CACNA2D1: variants seen among roughly 807,000 people sequenced by gnomAD.
The protein encoded by CACNA2D1 is calcium voltage-gated channel auxiliary subunit alpha2delta 1.
Under a neutral mutation model 171.5 loss-of-function variants are expected in CACNA2D1, and 53 were observed. The ratio of observed to expected loss-of-function variants is 0.31; its 90% CI spans 0.25 to 0.39. CACNA2D1 has a LOEUF of 0.39. CACNA2D1 is among the 10% of genes least tolerant of loss of function. CACNA2D1 has a pLI of 1.00. For synonymous variants in CACNA2D1, 442 were observed against 443.1 expected (o/e 1.00, Z 0.03); for missense variants, 903 against 1,299.8 (o/e 0.69, Z 4.69).
At chr7:82,023,674 TC>T (rs1278127364) in intron 12 of CACNA2D1, among the ~76,000 whole-genome samples, 7 of 151,620 alleles carry the variant, frequency 4.6e-5, no homozygotes, top group Non-Finnish European at 1.0e-4. Context: ...AGAACTACCA[TC>T]CTATGGTGAG....
At chr7:82,386,558 C>A (rs887041746) in intron 1 of CACNA2D1, among the ~76,000 whole-genome samples, 4 of 151,926 alleles carry the variant, frequency 2.6e-5, no homozygotes, top group African/African-American at 9.7e-5. Context: ...CATGGAGAAA[C>A]CCCGTCTCTA....
At position 81,964,246 on chromosome 7, in the gene CACNA2D1, A is replaced by T; in HGVS notation, c.2688T>A (p.Ala896=). Residue 896 remains alanine (A), a synonymous_variant, in exon 33 of 39, where the codon GCT becomes GCA. Coordinates refer to ENST00000356860, the MANE Select transcript of CACNA2D1 (RefSeq NM_000722.4). ...GATGTCCTGCTCCTTGTTTTGGTGC[A>T]GCACCGGGCTCACATACTGACTGAT... ...YDYQSVCEPG[A]APKQGAGHRS... 6.2e-7 allele frequency: 1 copy of T among 1,612,974 alleles called. No individual in the cohort carries two copies. The highest frequency in any genetic ancestry group is 8.5e-7 in the Non-Finnish European group (1 of 1,179,282).
intron 1 of CACNA2D1, among the ~76,000 whole-genome samples, chr7:82,437,785 T>TA (rs1830218281): frequency 6.6e-6 from 1 of 152,120 alleles, no homozygotes; most frequent in Non-Finnish European, 1.5e-5. Context: ...TGTACTGAAT[T>TA]ACTACAAAAG....
At chr7:82,008,677 G>A (rs1266072874) in intron 15 of CACNA2D1, among the ~76,000 whole-genome samples, 1 of 151,916 alleles carries the variant, frequency 6.6e-6, no homozygotes, top group Non-Finnish European at 1.5e-5. Flanking sequence ...ATCTTCTCAC[G>A]AATAGTGATT....
At chr7:82,200,449 A>G (rs11974763) in intron 3 of CACNA2D1, among the ~76,000 whole-genome samples, 1,633 of 152,230 alleles carry the variant, frequency 0.011, 29 homozygotes, top group African/African-American at 0.037. Context: ...CTTAAAAAGG[A>G]TATTTCTATC....
chr7:82,044,640 G>A (rs1804337917), intron 10 of CACNA2D1, among the ~76,000 whole-genome samples: 1 of 152,080 alleles, frequency 6.6e-6, no homozygotes, highest in African/African-American at 2.4e-5. Flanking sequence ...ATATTAGTAA[G>A]TACAAACACA....
At chr7:82,192,323 T>C (rs942241362) in intron 3 of CACNA2D1, among the ~76,000 whole-genome samples, 6 of 151,750 alleles carry the variant, frequency 4.0e-5, no homozygotes, top group Admixed American at 1.3e-4. Flanking sequence ...TAATAGGTAT[T>C]ACTATCACCA....
chr7:82,185,516 A>AGGGGGGGGGGGGGGG (rs1797622207), intron 3 of CACNA2D1, among the ~76,000 whole-genome samples: 1 of 15,750 alleles, frequency 6.3e-5, no homozygotes, highest in African/African-American at 2.4e-4. Flanking sequence ...GAGGGGGAGG[A>AGGGGGGGGGGGGGGG]GGGGGAGGAG....
At chr7:81,960,342 T>C (rs868412482) in intron 36 of CACNA2D1, among the ~76,000 whole-genome samples, 2 of 152,052 alleles carry the variant, frequency 1.3e-5, no homozygotes, top group African/African-American at 2.4e-5. Flanking sequence ...CTCGAGGGTA[T>C]TGGGCACTTA....
intron 3 of CACNA2D1, among the ~76,000 whole-genome samples, chr7:82,334,754 G>C (rs1270389312): frequency 6.6e-6 from 1 of 151,976 alleles, no homozygotes; most frequent in African/African-American, 2.4e-5. Context: ...TGGAATAAGA[G>C]ACTATACAAC....
At chr7:82,042,325 C>T (rs1804066282) in intron 10 of CACNA2D1, among the ~76,000 whole-genome samples, 1 of 152,104 alleles carries the variant, frequency 6.6e-6, no homozygotes, top group Non-Finnish European at 1.5e-5. Flanking sequence ...CACGTGCCTA[C>T]ATACTAATTT....
intron 21 of CACNA2D1, among the ~76,000 whole-genome samples, chr7:81,988,047 C>A (rs535700803): frequency 6.6e-6 from 1 of 152,106 alleles, no homozygotes; most frequent in East Asian, 1.9e-4. Context: ...TTGTGAGACA[C>A]GTAAAACACC....
At chr7:81,991,056 C>T in intron 21 of CACNA2D1, 129 bp downstream of exon 21, 2 of 578,646 alleles carry the variant, frequency 3.5e-6, no homozygotes, top group Non-Finnish European at 6.3e-6. Flanking sequence ...AAAAATTAGT[C>T]TATAAGTTTA....
intron 3 of CACNA2D1, among the ~76,000 whole-genome samples, chr7:82,189,432 G>C (rs193266122): frequency 6.6e-6 from 1 of 151,978 alleles, no homozygotes; most frequent in African/African-American, 2.4e-5. Flanking sequence ...GCCCAAATAT[G>C]CATTACCTAT....
chr7:82,157,236 C>G (rs1356724515), intron 4 of CACNA2D1, among the ~76,000 whole-genome samples: 1 of 152,022 alleles, frequency 6.6e-6, no homozygotes, highest in Non-Finnish European at 1.5e-5. Flanking sequence ...TTTCAGAATA[C>G]TGTGAAAAGA....
intron 29 of CACNA2D1, 138 bp from the exon 30 acceptor site, chr7:81,967,801 T>C (rs1301509358): frequency 2.2e-5 from 13 of 590,002 alleles, no homozygotes; most frequent in Admixed American, 1.7e-4. Context: ...TAAGAAATAA[T>C]GCTAATAGCT....
chr7:82,282,157 A>C (rs1810190768), intron 3 of CACNA2D1, among the ~76,000 whole-genome samples: 2 of 151,860 alleles, frequency 1.3e-5, no homozygotes. Flanking sequence ...AGTTAGCTGG[A>C]TGTGGTGACC....
At chr7:82,167,461 G>C (rs1051269285) in intron 4 of CACNA2D1, among the ~76,000 whole-genome samples, 3 of 151,858 alleles carry the variant, frequency 2.0e-5, no homozygotes, top group African/African-American at 7.2e-5. Context: ...AAGCTGAGAG[G>C]AATGTATTAT....
chr7:82,389,946 C>G (rs1824904736), intron 1 of CACNA2D1, among the ~76,000 whole-genome samples: 1 of 152,086 alleles, frequency 6.6e-6, no homozygotes, highest in South Asian at 2.1e-4. Context: ...TGTGTTGTTA[C>G]TTGAGTTTTT....
Sources: allele counts gnomAD v4.1 joint callset (sites outside exome capture counted in the v4.1 genomes callset), GRCh38; gene constraint gnomAD v4.1.1; transcripts MANE v1.5; gene names NCBI Gene and HGNC (gene_info 2026-07-23, HGNC 2026-07-21).